The following CDKL3 variants were observed in gnomAD, a reference collection of about 807,000 sequenced individuals.
CDKL3 encodes cyclin-dependent kinase-like 3.
CDKL3 carries 65 observed loss-of-function variants against 69.3 expected under a neutral mutation model. The observed-to-expected ratio is 0.94, with a 90% CI of 0.77 to 1.15. CDKL3 has a LOEUF of 1.15. Among genes scored for constraint, CDKL3 ranks in the 50% most tolerant of loss-of-function variants. CDKL3 has a pLI of 0.00. For missense variants in CDKL3, 652 were observed against 689.2 expected, an observed-to-expected ratio of 0.95 and a Z score of 0.61; for synonymous variants, 202 against 221.6, an observed-to-expected ratio of 0.91 and a Z score of 0.79.
chr5:134,331,264 G>T (rs1305125850), intron 4 of CDKL3, among the ~76,000 whole-genome samples: 1 of 151,910 alleles, frequency 6.6e-6, no homozygotes, highest in Non-Finnish European at 1.5e-5. Context: ...GCTGCTGCAG[G>T]CTTCATTTTT....
chr5:134,359,600 T>C (rs1398243847), intron 3 of CDKL3, among the ~76,000 whole-genome samples: 1 of 152,134 alleles, frequency 6.6e-6, no homozygotes, highest in Non-Finnish European at 1.5e-5. Flanking sequence ...TGTTTTAATA[T>C]ACTTTCTCTA....
chr5:134,306,007 T>A (rs1767729584), intron 10 of CDKL3, among the ~76,000 whole-genome samples: 1 of 152,168 alleles, frequency 6.6e-6, no homozygotes, highest in Admixed American at 6.5e-5. Context: ...AAACAAAACT[T>A]CTTGTGACTT....
chr5:134,362,222 C>T (rs1756210572), intron 2 of CDKL3, among the ~76,000 whole-genome samples: 1 of 152,098 alleles, frequency 6.6e-6, no homozygotes, highest in South Asian at 2.1e-4. Context: ...GAAATTCTAG[C>T]ATAAAAATTT....
At chr5:134,357,305 A>T (rs1754861243) in intron 3 of CDKL3, among the ~76,000 whole-genome samples, 1 of 151,970 alleles carries the variant, frequency 6.6e-6, no homozygotes, top group African/African-American at 2.4e-5. Flanking sequence ...TTAGCCGGGC[A>T]TGATGGCACG....
chr5:134,336,005 AG>A (rs544001660), intron 4 of CDKL3, among the ~76,000 whole-genome samples: 56 of 152,244 alleles, frequency 3.7e-4, no homozygotes, highest in African/African-American at 1.3e-3. Context: ...TATTTCTTGG[AG>A]GCTTTGTTCG....
At chr5:134,349,182 T>C (rs1218411509) in intron 4 of CDKL3, among the ~76,000 whole-genome samples, 1 of 152,216 alleles carries the variant, frequency 6.6e-6, no homozygotes, top group African/African-American at 2.4e-5. Context: ...TTAGAACAGT[T>C]TCTGGCAGAA....
At position 134,359,506 on chromosome 5, in the gene CDKL3, C is replaced by T. The variant is rs116344340; in HGVS notation, c.360+391G>A. 3.8e-3 allele frequency among the ~76,000 whole-genome samples: 582 copies of T among 152,248 alleles called. 5 individuals are homozygous for T. The highest frequency in any genetic ancestry group is 0.012 in the African/African-American group (516 of 41,542). On this transcript the variant is annotated intron_variant, in intron 3 of 12. Transcript: ENST00000265334. ...TCCACAATTTACTTACTATTCCCCC[C>T]GCCTTTTTTTTTGTGAGGCGGAGTC...
chr5:134,334,207 T>C (rs902582838), intron 4 of CDKL3, among the ~76,000 whole-genome samples: 7 of 152,188 alleles, frequency 4.6e-5, no homozygotes, highest in African/African-American at 1.7e-4. Flanking sequence ...TCTTCTTTAT[T>C]AGTCTTGCTA....
chr5:134,353,611 G>C (rs1753833643), intron 3 of CDKL3, among the ~76,000 whole-genome samples: 2 of 150,652 alleles, frequency 1.3e-5, no homozygotes, highest in African/African-American at 4.9e-5. Flanking sequence ...GAGTGCAGTG[G>C]CGCAATCTCG....
chr5:134,338,280 T>C (rs1373190660), intron 4 of CDKL3, among the ~76,000 whole-genome samples: 1 of 152,174 alleles, frequency 6.6e-6, no homozygotes, highest in African/African-American at 2.4e-5. Flanking sequence ...AGAATAACTT[T>C]TCTATACCTG....
chr5:134,348,879 A>C (rs1442777215), intron 4 of CDKL3, among the ~76,000 whole-genome samples: 1 of 152,198 alleles, frequency 6.6e-6, no homozygotes, highest in African/African-American at 2.4e-5. Flanking sequence ...CTATGAAGTG[A>C]GTCCTATTAT....
downstream of CDKL3, among the ~76,000 whole-genome samples, chr5:134,297,947 T>TG (rs1491537178): frequency 7.7e-6 from 1 of 129,638 alleles, no homozygotes; most frequent in Non-Finnish European, 1.6e-5. Flanking sequence ...TGTGTGTGTG[T>TG]TTTGAGACAG....
At chr5:134,286,143 CA>C (rs1269666542), downstream of CDKL3, among the ~76,000 whole-genome samples, 1 of 151,932 alleles carries the variant, frequency 6.6e-6, no homozygotes, top group Non-Finnish European at 1.5e-5. Flanking sequence ...ACAACAACAA[CA>C]AAAAGAAATT....
At chr5:134,352,177 G>A (rs981251776) in intron 3 of CDKL3, among the ~76,000 whole-genome samples, 2 of 151,974 alleles carry the variant, frequency 1.3e-5, no homozygotes, top group East Asian at 3.9e-4. Flanking sequence ...TTACCATAAC[G>A]TCCTCCAGGT....
chr5:134,353,423 C>A (rs934506949), intron 3 of CDKL3, among the ~76,000 whole-genome samples: 24 of 152,134 alleles, frequency 1.6e-4, no homozygotes, highest in Admixed American at 1.6e-3. Flanking sequence ...TTCAGGTCTC[C>A]CCAGCTGTCT....
At chr5:134,288,401 C>T (rs1455434022) in intron 8 of CDKL3, among the ~76,000 whole-genome samples, 1 of 152,310 alleles carries the variant, frequency 6.6e-6, no homozygotes, top group East Asian at 1.9e-4. Flanking sequence ...CAATAGCGGA[C>T]ACATTATACA....
At chr5:134,311,368 G>C (rs914111846) in intron 7 of CDKL3, among the ~76,000 whole-genome samples, 1 of 152,186 alleles carries the variant, frequency 6.6e-6, no homozygotes, top group Non-Finnish European at 1.5e-5. Flanking sequence ...AGCCAGGCGT[G>C]GTGGCATGTG....
Position 134,317,458 on chromosome 5 carries a change from T to C in CDKL3, c.792+1900A>G, listed in dbSNP as rs143888023. Among the ~76,000 whole-genome samples, 1,374 of 152,234 alleles carry C rather than the reference T, an allele frequency of 9.0e-3. 14 individuals are homozygous for C. The highest frequency in any genetic ancestry group is 0.016 in the South Asian group (78 of 4,826). On this transcript the variant is annotated intron_variant, in intron 6 of 12. Transcript: ENST00000265334. Reference sequence around the variant, plus strand: ...CACGAGCCACTGCACCTAGCCATTTTAAATAAAATTTAAATTTTGACCAGG... The same window carrying C: ...CACGAGCCACTGCACCTAGCCATTTCAAATAAAATTTAAATTTTGACCAGG...
chr5:134,339,194 T>C (rs550138774), intron 4 of CDKL3, among the ~76,000 whole-genome samples: 4 of 151,914 alleles, frequency 2.6e-5, no homozygotes, highest in Admixed American at 2.6e-4. Flanking sequence ...AAAATAATAA[T>C]GGCATTAAAC....
Sources: gnomAD v4.1 joint callset for allele counts (sites outside exome capture counted in the v4.1 genomes callset) on GRCh38, gnomAD v4.1.1 for gene constraint, MANE v1.5 for transcripts, NCBI Gene and HGNC (gene_info 2026-07-23, HGNC 2026-07-21) for gene names.